Variants in DAXX observed in about 807,000 individuals in gnomAD.
The protein encoded by DAXX is death domain associated protein, also known as death domain-associated protein 6.
DAXX carries 24 observed loss-of-function variants against 61.9 expected under a neutral mutation model. That is an observed-to-expected ratio of 0.39 (90% CI 0.28 to 0.55). DAXX has a LOEUF of 0.55. Ranked by LOEUF, DAXX falls within the 20% of genes least tolerant of loss-of-function variation. The probability of loss-of-function intolerance (pLI) is 0.69; values close to 1 mark genes in which losing one functional copy is unlikely to be tolerated. For synonymous variants in DAXX, 357 were observed against 369.5 expected, an observed-to-expected ratio of 0.97 and a Z score of 0.39; for missense variants, 819 against 935.3, an observed-to-expected ratio of 0.88 and a Z score of 1.62.
At position 33,319,750 on chromosome 6, in the gene DAXX, T is replaced by C. The variant is rs372876513; in HGVS notation, c.1570A>G (p.Lys524Glu). The C allele has an allele frequency of 3.1e-6, 5 of 1,614,120 alleles. No individual in the cohort carries two copies. In the African/African-American group the frequency reaches 5.3e-5, roughly 17 times the overall value. The change falls in exon 6 of 8, where the codon AAA becomes GAA. Residue 524 changes from lysine (K) to glutamate (E), a missense_variant. Transcript: ENST00000374542. ...ISRSSGEQQN[K>E]GRIVSPSLLS... ...AACGATGGTGACACTATGCGTCCTT[T>C]GTTTTGCTGCTCCCCTGAAGATCTG... is the stretch of plus-strand genomic sequence containing the variant.
chr6:33,322,842 C>T lies in DAXX; in HGVS notation c.-53+20G>A. 12 of 1,342,988 alleles carry T rather than the reference C, an allele frequency of 8.9e-6. No homozygotes were observed. The highest frequency in any genetic ancestry group is 1.2e-5 in the Non-Finnish European group (12 of 976,766). 83.2% of individuals were successfully genotyped at this position (1,342,988 alleles called of 1,614,324 possible). A position where few individuals can be genotyped will look rare whatever the true frequency, so the allele number is the denominator to read the frequency against. ...ATATCCCCGCCCCCGCCTCTGATCC[C>T]CGCACCGTCCGGCCCCCACCTCAGA... On this transcript the variant is annotated intron_variant, in intron 1 of 7. Coordinates refer to ENST00000374542, the MANE Select transcript of DAXX (RefSeq NM_001141969.2).
intron 5 of DAXX, 25 bp downstream of exon 5, chr6:33,319,986 T>C: frequency 6.2e-7 from 1 of 1,613,402 alleles, no homozygotes; most frequent in Non-Finnish European, 8.5e-7. Flanking sequence ...AAATGACAGG[T>C]GAGGAGAATG....
Position 33,320,323 on chromosome 6 carries a change from TG to T in DAXX, c.1251+56del. 1 of 1,444,136 alleles carries T rather than the reference TG, an allele frequency of 6.9e-7. No homozygotes were observed. The highest frequency in any genetic ancestry group is 1.1e-5 in the South Asian group (1 of 87,700). 89.5% of individuals were successfully genotyped at this position (1,444,136 alleles called of 1,614,324 possible). On this transcript the variant is annotated intron_variant, in intron 4 of 7. Transcript: ENST00000374542. This position sits in a 1 kb window ranked among gnomAD's most constrained non-coding sequence, Gnocchi z 7.1. The stretch of plus-strand genomic sequence containing the variant: ...CCCCCATCAGTCAACCTGGACTCCC[TG>T]GTGGCCAGTGCAGGGGAAGGACAAT...
chr6:33,322,090 G>A, intron 1 of DAXX, 113 bp from the exon 2 acceptor site: 1 of 651,036 alleles, frequency 1.5e-6, no homozygotes, highest in Admixed American at 3.1e-5. Context: ...GACCAACACT[G>A]TCTTCACCAC....
At chr6:33,322,155 G>C (rs1562731978) in intron 1 of DAXX, 178 bp from the exon 2 acceptor site, 2 of 300,546 alleles carry the variant, frequency 6.7e-6, no homozygotes, top group Admixed American at 1.5e-4. Context: ...CAAGTGGTGT[G>C]GGGGGGGGGC....
chr6:33,321,611 A>C lies in DAXX; in HGVS notation c.208-44T>G, dbSNP rs774860363. 2 of 1,568,724 alleles carry C rather than the reference A, an allele frequency of 1.3e-6. No homozygotes were observed. Among genetic ancestry groups the C allele is most frequent in the South Asian group, 2.2e-5 (2 of 89,342 alleles). On this transcript the variant is annotated intron_variant, in intron 2 of 7. Coordinates refer to ENST00000374542, the MANE Select transcript of DAXX (RefSeq NM_001141969.2). This position sits in a 1 kb window ranked among gnomAD's most constrained non-coding sequence, Gnocchi z 7.2. ...GAAGGAAGGGGAAGAGAGACAAGGGAGGGGGTTGAGAGAAAGGGGAGGTGG... is the reference window on the plus strand; with the variant it reads ...GAAGGAAGGGGAAGAGAGACAAGGGCGGGGGTTGAGAGAAAGGGGAGGTGG...
intron 7 of DAXX, 80 bp from the exon 8 acceptor site, chr6:33,318,882 TG>T: frequency 7.9e-7 from 1 of 1,259,144 alleles, no homozygotes; most frequent in Non-Finnish European, 1.1e-6. Context: ...GAGGATAAAA[TG>T]GGTGGGAAAA....
Position 33,319,028 on chromosome 6 carries a change from T to TG in DAXX, c.2131dup (p.His711ProfsTer30). On this transcript the variant is annotated frameshift_variant, in exon 7 of 8. Coordinates refer to ENST00000374542, the MANE Select transcript of DAXX (RefSeq NM_001141969.2). LOFTEE classifies it high-confidence loss of function. ...AGTACCAGGCCGAGGAGGCTGTGAA[T>TG]GGGGGGTTTGGGACAGCCGGGCTGG... 6.2e-7 allele frequency: 1 copy of TG among 1,613,426 alleles called. No individual in the cohort carries two copies. Among genetic ancestry groups the TG allele is most frequent in the Non-Finnish European group, 8.5e-7 (1 of 1,179,940 alleles).
rs540123402 is a variant in DAXX at position 33,320,441 on chromosome 6, C to T, written c.1190G>A (p.Arg397Gln). ...EEGERKKRRA[R>Q]LQGTSSHSAD... ...AGAGTGGGAAGAGGTGCCTTGGAGC[C>T]GAGCTCTTCTCTTTTTTCTCTCGCC... Residue 397 changes from arginine (R) to glutamine (Q), a missense_variant, in exon 4 of 8, where the codon CGG becomes CAG. Physicochemically the swap from Arg to Gln is conservative, Grantham distance 43 (BLOSUM62 1). Coordinates refer to ENST00000374542, the MANE Select transcript of DAXX (RefSeq NM_001141969.2). The surrounding 1 kb of genome is among the most constrained non-coding windows in gnomAD (Gnocchi z 7.1). The T allele has an allele frequency of 1.6e-5, 26 of 1,613,814 alleles. No individual in the cohort carries two copies. In the East Asian group the frequency reaches 2.0e-4, roughly 12 times the overall value.
In DAXX at chr6:33,321,725, G is replaced by C; in HGVS notation, c.201C>G (p.Phe67Leu). 2 of 1,613,118 alleles carry C rather than the reference G, an allele frequency of 1.2e-6. No individual in the cohort carries two copies. Among genetic ancestry groups the C allele is most frequent in the Non-Finnish European group, 1.7e-6 (2 of 1,179,854 alleles). Residue 67 changes from phenylalanine to leucine, a missense_variant, in exon 2 of 8, where the codon TTC becomes TTG. Physicochemically the swap from Phe to Leu is conservative, Grantham distance 22. Transcript: ENST00000374542. The surrounding 1 kb of genome is among the most constrained non-coding windows in gnomAD (Gnocchi z 7.2). ...KCYKLENEKL[F>L]EEFLELCKMQ... ...CTTCCCCGCTAAAGCTCACCTCTTC[G>C]AACAGCTTCTCATTCTCCAGCTTGT... is the stretch of plus-strand genomic sequence containing the variant.
Position 33,319,723 on chromosome 6 carries a change from G to A in DAXX, c.1597C>T (p.Leu533=), listed in dbSNP as rs2150989559. 6.2e-7 allele frequency: 1 copy of A among 1,614,246 alleles called. No individual in the cohort carries two copies. Among genetic ancestry groups the A allele is most frequent in the Non-Finnish European group, 8.5e-7 (1 of 1,180,042 alleles). The change falls in exon 6 of 8, where the codon CTG becomes TTG. Residue 533 remains leucine (L), a synonymous_variant. Coordinates refer to ENST00000374542, the MANE Select transcript of DAXX (RefSeq NM_001141969.2). The stretch of plus-strand genomic sequence containing the variant: ...GAGGGGGCCAGGGGTTCTTCTGACA[G>A]TAACGATGGTGACACTATGCGTCCT... ...NKGRIVSPSL[L]SEEPLAPSSI...
In DAXX at chr6:33,322,868, A is replaced by AACCGTCTCTCGAGGCG; in HGVS notation, c.-75_-60dup. 1.4e-6 allele frequency: 2 copies of AACCGTCTCTCGAGGCG among 1,427,280 alleles called. No individual in the cohort carries two copies. The highest frequency in any genetic ancestry group is 1.1e-5 in the South Asian group (1 of 88,268). The allele number at this position is 1,427,280 out of a possible 1,614,324, so 88.4% of individuals were successfully genotyped here. On this transcript the variant is annotated 5_prime_UTR_variant, in exon 1 of 8. It introduces an in-frame stop codon into an upstream open reading frame of the 5' UTR. Coordinates refer to ENST00000374542, the MANE Select transcript of DAXX (RefSeq NM_001141969.2). ...CGCACCGTCCGGCCCCCACCTCAGA[A>AACCGTCTCTCGAGGCG]ACCGTCTCTCGAGGCGACCCTCGCC...
rs775787032 is a variant in DAXX, at chr6:33,319,053, G to C, written c.2107C>G (p.Pro703Ala). 5 of 1,614,018 alleles carry C rather than the reference G, an allele frequency of 3.1e-6. No homozygotes were observed. The highest frequency in any genetic ancestry group is 4.2e-6 in the Non-Finnish European group (5 of 1,180,048). ...LVTSSLCIPS[P>A]ARLSQTPHSQ... ...TGGGGGGTTTGGGACAGCCGGGCTGGAGAAGGGATGCAGAGGGAGCTGGTC... is the reference window on the plus strand; with the variant it reads ...TGGGGGGTTTGGGACAGCCGGGCTGCAGAAGGGATGCAGAGGGAGCTGGTC... The change falls in exon 7 of 8, where the codon CCA (proline) becomes GCA (alanine). Residue 703 changes from proline (P) to alanine (A), a missense_variant. By Grantham distance (27) the Pro-to-Ala change is conservative. Transcript: ENST00000374542.
chr6:33,322,053 CCTTGGGTTT>C, intron 1 of DAXX, 76 bp from the exon 2 acceptor site: 1 of 1,075,708 alleles, frequency 9.3e-7, no homozygotes, highest in Middle Eastern at 3.1e-4. Flanking sequence ...TTTCTGAACT[CCTTGGGTTT>C]CAGTAACATC....
Position 33,320,407 on chromosome 6 carries a change from G to T in DAXX, c.1224C>A (p.Thr408=), listed in dbSNP as rs938587938. The T allele has an allele frequency of 1.9e-6, 3 of 1,612,898 alleles. No homozygotes were observed. Among genetic ancestry groups the T allele is most frequent in the Non-Finnish European group, 1.7e-6 (2 of 1,178,876 alleles). The change falls in exon 4 of 8, where the codon ACC becomes ACA. Residue 408 remains threonine (T), a synonymous_variant. Coordinates refer to ENST00000374542, the MANE Select transcript of DAXX (RefSeq NM_001141969.2). The surrounding 1 kb of genome is among the most constrained non-coding windows in gnomAD (Gnocchi z 7.1). ...CACCAGAATCCAAGGAGGCTTCGGG[G>T]GTGTCTGCAGAGTGGGAAGAGGTGC... The part of the protein sequence containing the change: ...LQGTSSHSAD[T]PEASLDSGEG...
Position 33,319,112 on chromosome 6 carries a change from G to C in DAXX, c.2048C>G (p.Ser683Cys). Residue 683 changes from serine to cysteine, a missense_variant, in exon 7 of 8, where the codon TCC becomes TGC. By Grantham distance (112) the Ser-to-Cys change is moderately radical. Coordinates refer to ENST00000374542, the MANE Select transcript of DAXX (RefSeq NM_001141969.2). The stretch of plus-strand genomic sequence containing the variant: ...ATGGCTGGGAGAGTCCACCCTCGTG[G>C]AGGAATCAGCAACTGGGGCCAAGGA... ...LASLAPVADSSTRVDSPSHGL... is the reference protein window; with the variant it reads ...LASLAPVADSCTRVDSPSHGL... 1 of 1,614,192 alleles carries C rather than the reference G, an allele frequency of 6.2e-7. No homozygotes were observed. Among genetic ancestry groups the C allele is most frequent in the Non-Finnish European group, 8.5e-7 (1 of 1,180,050 alleles).
chr6:33,318,593 T>C lies in DAXX; in HGVS notation c.*150A>G. ...AAAGAACTTTATTGTTTATTAATGT[T>C]TCTGTGTAAAACTTAAGCTTTTTTT... On this transcript the variant is annotated 3_prime_UTR_variant, in exon 8 of 8. Coordinates refer to ENST00000374542, the MANE Select transcript of DAXX (RefSeq NM_001141969.2). 2 of 451,994 alleles carry C rather than the reference T, an allele frequency of 4.4e-6. No homozygotes were observed. Among genetic ancestry groups the C allele is most frequent in the Non-Finnish European group, 7.9e-6 (2 of 254,350 alleles). 28.0% of individuals were successfully genotyped at this position (451,994 alleles called of 1,614,324 possible). A position where few individuals can be genotyped will look rare whatever the true frequency, so the allele number is the denominator to read the frequency against.
rs899453440 is a variant in DAXX, at chr6:33,321,520, G to T, written c.255C>A (p.Val85=). 6.2e-7 allele frequency: 1 copy of T among 1,613,996 alleles called. No individual in the cohort carries two copies. Among genetic ancestry groups the T allele is most frequent in the Non-Finnish European group, 8.5e-7 (1 of 1,180,012 alleles). ...KMQTADHPEV[V]PFLYNRQQRA... ...GTTGCTGCCGGTTATAGAGGAATGG[G>T]ACCACCTCAGGGTGGTCTGCTGTCT... Residue 85 remains valine, a synonymous_variant, in exon 3 of 8, where the codon GTC becomes GTA. Coordinates refer to ENST00000374542, the MANE Select transcript of DAXX (RefSeq NM_001141969.2). This position sits in a 1 kb window ranked among gnomAD's most constrained non-coding sequence, Gnocchi z 7.2.
rs914779604 is a variant in DAXX at position 33,319,165 on chromosome 6, G to A, written c.1995C>T (p.Thr665=). The change falls in exon 7 of 8, where the codon ACC becomes ACT. Residue 665 remains threonine, a synonymous_variant. Coordinates refer to ENST00000374542, the MANE Select transcript of DAXX (RefSeq NM_001141969.2). ...VHEKNGKKIC[T]LPSPPSPLAS... is the part of the protein sequence containing the mutation. ...CCAAGGGGGAAGGTGGGCTGGGCAG[G>A]GTACATATCTTTTTCCCATTCTTCT... 41 of 1,612,818 alleles carry A rather than the reference G, an allele frequency of 2.5e-5. No homozygotes were observed. The highest frequency in any genetic ancestry group is 3.3e-5 in the Non-Finnish European group (39 of 1,179,094).
Sources: gnomAD v4.1 joint callset for allele counts on GRCh38, gnomAD v4.1.1 for gene constraint, Gnocchi (gnomAD v3.1) non-coding constraint, MANE v1.5 for transcripts, NCBI Gene and HGNC (gene_info 2026-07-23, HGNC 2026-07-21) for gene names.